The following KLRC4 variants were observed in gnomAD, a reference collection of about 807,000 sequenced individuals.
KLRC4 encodes NKG2-F type II integral membrane protein.
Under a neutral mutation model 14.3 loss-of-function variants are expected in KLRC4, and 6 were observed. The ratio of observed to expected loss-of-function variants is 0.42; its 90% CI spans 0.23 to 0.83. The LOEUF (loss-of-function observed/expected upper bound fraction) is 0.83, where lower values mean the gene tolerates loss of function less well. KLRC4 is among the 40% of genes least tolerant of loss of function. The pLI, the probability that KLRC4 is intolerant of heterozygous loss-of-function variation, is 0.29. For synonymous variants in KLRC4, 53 were observed against 60.5 expected (o/e 0.88, Z 0.57); for missense variants, 158 against 179.4 (o/e 0.88, Z 0.68).
At position 10,407,774 on chromosome 12, in the gene KLRC4, T is replaced by C. The variant is rs753572675; in HGVS notation, c.356A>G (p.His119Arg). 2.5e-6 allele frequency: 4 copies of C among 1,606,494 alleles called. No homozygotes were observed. The African/African-American group carries it at 5.4e-5, about 22-fold the overall frequency. ...RRMQKARHCG[H>R]CPEEWITYSN... Reference sequence around the variant, plus strand: ...ATATGTAATCCACTCCTCAGGACAATGGCCACAATGACGTGCTAAATAAAA... The same window carrying C: ...ATATGTAATCCACTCCTCAGGACAACGGCCACAATGACGTGCTAAATAAAA... The change falls in exon 4 of 4, where the codon CAT becomes CGT. Residue 119 changes from histidine to arginine, a missense_variant. Physicochemically the swap from His to Arg is conservative, Grantham distance 29 (BLOSUM62 0). Coordinates refer to ENST00000309384, the MANE Select transcript of KLRC4 (RefSeq NM_013431.2).
Position 10,407,706 on chromosome 12 carries a change from C to T in KLRC4, c.424G>A (p.Glu142Lys), listed in dbSNP as rs1226062850. ...YYIGKERRTW[E>K]ERVCWPVLRR... ...AGCACAGGCCAGCAAACTCTTTCTT[C>T]CCAAGTTCTTCTTTCCTTACCAATG... Residue 142 changes from glutamate to lysine, a missense_variant, in exon 4 of 4, where the codon GAA becomes AAA. Glu to Lys is a moderately conservative substitution (Grantham distance 56, BLOSUM62 1). Transcript: ENST00000309384. 11 of 1,613,808 alleles carry T rather than the reference C, an allele frequency of 6.8e-6. No homozygotes were observed. Among genetic ancestry groups the T allele is most frequent in the African/African-American group, 1.3e-5 (1 of 75,008 alleles).
chr12:10,407,555 A>C lies in KLRC4; in HGVS notation c.*98T>G. On this transcript the variant is annotated 3_prime_UTR_variant, in exon 4 of 4. Transcript: ENST00000309384. ...AAAAATATATGAAGTAAATATATGTATAAACATATGGATGATTTCTACAAA... is the reference window on the plus strand; with the variant it reads ...AAAAATATATGAAGTAAATATATGTCTAAACATATGGATGATTTCTACAAA... 7.2e-7 allele frequency: 1 copy of C among 1,393,698 alleles called. No individual in the cohort carries two copies. 86.3% of individuals were successfully genotyped at this position (1,393,698 alleles called of 1,614,324 possible).
chr12:10,408,351 G>T lies in KLRC4; in HGVS notation c.318C>A (p.Ser106=). ...CIGVLEQNNF[S]LNRRMQKARH... is the part of the protein sequence containing the mutation. Reference sequence around the variant, plus strand: ...TACCTTTCTGCATTCTTCTATTCAGGGAAAAATTGTTCTGCTCCAGTACTC... The same window carrying T: ...TACCTTTCTGCATTCTTCTATTCAGTGAAAAATTGTTCTGCTCCAGTACTC... Residue 106 remains serine (S), a synonymous_variant, in exon 3 of 4, where the codon TCC becomes TCA. Coordinates refer to ENST00000309384, the MANE Select transcript of KLRC4 (RefSeq NM_013431.2). 1 of 1,508,396 alleles carries T rather than the reference G, an allele frequency of 6.6e-7. No homozygotes were observed. Among genetic ancestry groups the T allele is most frequent in the Non-Finnish European group, 9.2e-7 (1 of 1,090,914 alleles). The allele number at this position is 1,508,396 out of a possible 1,614,324, so 93.4% of individuals were successfully genotyped here. A position where few individuals can be genotyped will look rare whatever the true frequency, so the allele number is the denominator to read the frequency against.
intron 2 of KLRC4, 78 bp from the exon 3 acceptor site, chr12:10,408,460 C>A: frequency 1.4e-6 from 1 of 715,812 alleles, no homozygotes; most frequent in East Asian, 3.0e-5. Context: ...CTTTGAAATA[C>A]AAAATTTAAA....
rs959041367 is a variant in KLRC4 at position 10,407,552 on chromosome 12, T to C, written c.*101A>G. ...CTTAAAAATATATGAAGTAAATATA[T>C]GTATAAACATATGGATGATTTCTAC... On this transcript the variant is annotated 3_prime_UTR_variant, in exon 4 of 4. Coordinates refer to ENST00000309384, the MANE Select transcript of KLRC4 (RefSeq NM_013431.2). 11 of 1,359,256 alleles carry C rather than the reference T, an allele frequency of 8.1e-6. No homozygotes were observed. In the Admixed American group the frequency reaches 8.8e-5, roughly 11 times the overall value. 84.2% of individuals were successfully genotyped at this position (1,359,256 alleles called of 1,614,324 possible).
intron 3 of KLRC4, 98 bp downstream of exon 3, chr12:10,408,231 T>C (rs1328462166): frequency 1.4e-5 from 10 of 737,684 alleles, no homozygotes; most frequent in South Asian, 4.8e-5. Context: ...CTCATTGTTA[T>C]AGTTTATTTT....
At chr12:10,409,330 T>C (rs1196617592) in intron 1 of KLRC4, 59 bp downstream of exon 1, 18 of 1,502,582 alleles carry the variant, frequency 1.2e-5, no homozygotes, top group Non-Finnish European at 1.8e-6. Flanking sequence ...TTCCCCACCT[T>C]TCTGCATTCA....
chr12:10,408,179 G>T, intron 3 of KLRC4, 150 bp downstream of exon 3: 1 of 567,380 alleles, frequency 1.8e-6, no homozygotes, highest in Non-Finnish European at 3.1e-6. Context: ...TTGGAGAAAA[G>T]GACATGCCCT....
rs1472907578 is a variant in KLRC4, at chr12:10,409,527, G to A, written c.49C>T (p.Pro17Ser). Residue 17 changes from proline (P) to serine (S), a missense_variant, in exon 1 of 4, where the codon CCA becomes TCA. Coordinates refer to ENST00000309384, the MANE Select transcript of KLRC4 (RefSeq NM_013431.2). ...TTAAGTTTCCTTTGCTGCCTCTTTG[G>A]GTCCTGGGCCAGACTCACTTCTGAG... is the stretch of plus-strand genomic sequence containing the variant. ...TYSEVSLAQD[P>S]KRQQRKLKGN... The A allele has an allele frequency of 6.2e-7, 1 of 1,613,904 alleles. No homozygotes were observed. Among genetic ancestry groups the A allele is most frequent in the Admixed American group, 1.7e-5 (1 of 60,012 alleles).
In KLRC4 at chr12:10,407,628, C is replaced by T. The variant is rs895201306; in HGVS notation, c.*25G>A. On this transcript the variant is annotated 3_prime_UTR_variant, in exon 4 of 4. Transcript: ENST00000309384. ...TTTTAGTAAAGTGTTGAAACATTTACGTCTTACCATTTCTTCCTCATTATC... is the reference window on the plus strand; with the variant it reads ...TTTTAGTAAAGTGTTGAAACATTTATGTCTTACCATTTCTTCCTCATTATC... 18 of 1,608,378 alleles carry T rather than the reference C, an allele frequency of 1.1e-5. 1 individual carries two copies. The highest frequency in any genetic ancestry group is 1.7e-4 in the Middle Eastern group (1 of 6,042).
At position 10,409,117 on chromosome 12, in the gene KLRC4, T is replaced by G. The variant is rs910831129; in HGVS notation, c.188-107A>C. On this transcript the variant is annotated intron_variant, in intron 1 of 3. Transcript: ENST00000309384. ...CAGGAAAACATAATGATAAACTCTG[T>G]CCTCTAAATCTACATCTACTCTAGT... 2.0e-5 allele frequency: 24 copies of G among 1,219,668 alleles called. 1 individual carries two copies. Among genetic ancestry groups the G allele is most frequent in the Admixed American group, 1.5e-4 (7 of 47,126 alleles). 75.6% of individuals were successfully genotyped at this position (1,219,668 alleles called of 1,614,324 possible).
intron 1 of KLRC4, 56 bp from the exon 2 acceptor site, chr12:10,409,066 T>C (rs1003586464): frequency 6.3e-7 from 1 of 1,594,690 alleles, no homozygotes; most frequent in Non-Finnish European, 8.6e-7. Context: ...GATGAGAAGG[T>C]TTACGTACAA....
Position 10,408,488 on chromosome 12 carries a change from C to G in KLRC4, c.287-106G>C, listed in dbSNP as rs150135493. 5.7e-3 allele frequency: 3,545 copies of G among 619,564 alleles called. 64 individuals are homozygous for G. Among genetic ancestry groups the G allele is most frequent in the East Asian group, 0.02 (612 of 31,306 alleles). 38.4% of individuals were successfully genotyped at this position (619,564 alleles called of 1,614,324 possible). A position where few individuals can be genotyped will look rare whatever the true frequency, so the allele number is the denominator to read the frequency against. On this transcript the variant is annotated intron_variant, in intron 2 of 3. Transcript: ENST00000309384. ...AATTTAAAATTATTTTAAATTGGAA[C>G]AATCTGAAATAAAAATGACTTTTCT...
chr12:10,409,620 C>A lies in KLRC4; in HGVS notation c.-45G>T, dbSNP rs201530762. ...CAGGGACTGTGCTCTATGATAACTG[C>A]ACTTAAGAAGCTATAAGTGGTGTAT... On this transcript the variant is annotated 5_prime_UTR_variant, in exon 1 of 4. Transcript: ENST00000309384. 200 of 1,567,932 alleles carry A rather than the reference C, an allele frequency of 1.3e-4. No individual in the cohort carries two copies. In the Admixed American group the frequency reaches 3.9e-3, roughly 30 times the overall value.
Position 10,408,386 on chromosome 12 carries a change from G to C in KLRC4, c.287-4C>G, listed in dbSNP as rs764256088. The C allele has an allele frequency of 1.7e-5, 24 of 1,389,978 alleles. No homozygotes were observed. The highest frequency in any genetic ancestry group is 2.3e-5 in the Non-Finnish European group (23 of 997,038). The allele number at this position is 1,389,978 out of a possible 1,614,324, so 86.1% of individuals were successfully genotyped here. A position where few individuals can be genotyped will look rare whatever the true frequency, so the allele number is the denominator to read the frequency against. On this transcript the variant is annotated splice_polypyrimidine_tract_variant and splice_region_variant and intron_variant, in intron 2 of 3. Coordinates refer to ENST00000309384, the MANE Select transcript of KLRC4 (RefSeq NM_013431.2). ...TTCTGCTCCAGTACTCCAATACCTA[G>C]AAAAATTAAAGTGATTCTTACAAAA...
rs773787106 is a variant in KLRC4 at position 10,407,653 on chromosome 12, C to A, written c.477G>T (p.Ter159TyrextTer7). The change falls in exon 4 of 4, where the codon TAG (stop) becomes TAT (tyrosine). Residue 159 changes from the stop codon to tyrosine (Y), a stop_lost. Coordinates refer to ENST00000309384, the MANE Select transcript of KLRC4 (RefSeq NM_013431.2). ...CGTCTTACCATTTCTTCCTCATTAT[C>A]TATAGAAAGCAGATCAGAGTTCTTC... ...VLRRTLICFL[*>Y] 1 of 1,611,520 alleles carries A rather than the reference C, an allele frequency of 6.2e-7. No homozygotes were observed. The highest frequency in any genetic ancestry group is 1.1e-5 in the South Asian group (1 of 90,424).
chr12:10,409,065 G>C, intron 1 of KLRC4, 55 bp from the exon 2 acceptor site: 1 of 1,596,434 alleles, frequency 6.3e-7, no homozygotes, highest in Non-Finnish European at 8.6e-7. Context: ...TGATGAGAAG[G>C]TTTACGTACA....
chr12:10,407,545 A>G lies in KLRC4; in HGVS notation c.*108T>C. ...ACACAGACTTAAAAATATATGAAGT[A>G]AATATATGTATAAACATATGGATGA... On this transcript the variant is annotated 3_prime_UTR_variant, in exon 4 of 4. Coordinates refer to ENST00000309384, the MANE Select transcript of KLRC4 (RefSeq NM_013431.2). 1 of 1,307,910 alleles carries G rather than the reference A, an allele frequency of 7.6e-7. No homozygotes were observed. The highest frequency in any genetic ancestry group is 1.1e-6 in the Non-Finnish European group (1 of 950,622). 81.0% of individuals were successfully genotyped at this position (1,307,910 alleles called of 1,614,324 possible).
In KLRC4 at chr12:10,407,685, C is replaced by T. The variant is rs542905075; in HGVS notation, c.445G>A (p.Val149Met). The T allele has an allele frequency of 6.2e-7, 1 of 1,613,828 alleles. No individual in the cohort carries two copies. The highest frequency in any genetic ancestry group is 1.1e-5 in the South Asian group (1 of 91,054). Residue 149 changes from valine (V) to methionine (M), a missense_variant, in exon 4 of 4, where the codon GTG becomes ATG. Transcript: ENST00000309384. The stretch of plus-strand genomic sequence containing the variant: ...AAGCAGATCAGAGTTCTTCGAAGCA[C>T]AGGCCAGCAAACTCTTTCTTCCCAA... ...RTWEERVCWP[V>M]LRRTLICFL
Sources: gnomAD v4.1 joint callset for allele counts on GRCh38, gnomAD v4.1.1 for gene constraint, MANE v1.5 for transcripts, NCBI Gene and HGNC (gene_info 2026-07-23, HGNC 2026-07-21) for gene names.